Variants in GABRB1 observed in about 807,000 individuals in gnomAD.
GABRB1 encodes the protein gamma-aminobutyric acid receptor subunit beta-1.
In GABRB1, 17 loss-of-function variants were observed where a neutral mutation model predicts 51.6. The observed-to-expected ratio is 0.33, with a 90% CI of 0.23 to 0.49. GABRB1 has a LOEUF of 0.49. Ranked by LOEUF, GABRB1 falls within the 20% of genes least tolerant of loss-of-function variation. GABRB1 has a pLI of 0.99. For synonymous variants in GABRB1, 247 were observed against 218.9 expected, an observed-to-expected ratio of 1.13 and a Z score of -1.14; for missense variants, 410 against 600.6, an observed-to-expected ratio of 0.68 and a Z score of 3.32.
chr4:47,224,581 G>A (rs1040066952), intron 4 of GABRB1, among the ~76,000 whole-genome samples: 4 of 152,100 alleles, frequency 2.6e-5, no homozygotes, highest in African/African-American at 9.7e-5. Flanking sequence ...CAAAGGTAAG[G>A]ATGAAGAATT....
intron 1 of GABRB1, among the ~76,000 whole-genome samples, chr4:47,017,150 T>C (rs2109446871): frequency 6.6e-6 from 1 of 152,344 alleles, no homozygotes; most frequent in African/African-American, 2.4e-5. Context: ...TGCAATTTAC[T>C]ACATGTGCGG....
rs1724127549 is a variant in GABRB1 at position 46,999,945 on chromosome 4, TCTC to T, written c.-20+6022_-20+6024del. Among the ~76,000 whole-genome samples, 11 of 152,158 alleles carry T rather than the reference TCTC, an allele frequency of 7.2e-5. No homozygotes were observed. In the South Asian group the frequency reaches 2.3e-3, roughly 32 times the overall value. On this transcript the variant is annotated intron_variant, in intron 1 of 3. Transcript: ENST00000513567. ...CAGACCTCCTCTTTCCTTCCACCAA[TCTC>T]CTGCTAATTCCAGAATCCACCCCCT...
chr4:47,337,135 A>C (rs1725728188), intron 5 of GABRB1, among the ~76,000 whole-genome samples: 1 of 152,106 alleles, frequency 6.6e-6, no homozygotes, highest in Non-Finnish European at 1.5e-5. Flanking sequence ...AATAGTCTGG[A>C]AGGGACAATA....
chr4:47,043,694 G>A (rs1725957226), intron 3 of GABRB1, among the ~76,000 whole-genome samples: 1 of 152,144 alleles, frequency 6.6e-6, no homozygotes, highest in East Asian at 1.9e-4. Context: ...ACTGAGTGGA[G>A]CTTAGTTGGT....
chr4:47,146,395 T>A (rs1006289118), intron 3 of GABRB1, among the ~76,000 whole-genome samples: 4 of 151,912 alleles, frequency 2.6e-5, no homozygotes, highest in Non-Finnish European at 4.4e-5. Flanking sequence ...AGGCTTAAGT[T>A]CCCTTTGTTG....
intron 3 of GABRB1, among the ~76,000 whole-genome samples, chr4:47,079,998 T>TAA (rs567227300): frequency 6.6e-6 from 1 of 150,412 alleles, no homozygotes; most frequent in Non-Finnish European, 1.5e-5. Flanking sequence ...TAAAGAATAA[T>TAA]AAAAAAAAAG....
chr4:47,140,310 G>C (rs557031949), intron 3 of GABRB1, among the ~76,000 whole-genome samples: 55 of 152,038 alleles, frequency 3.6e-4, no homozygotes, highest in Admixed American at 1.5e-3. Context: ...AAATATAACA[G>C]AGAAAGCCTA....
At chr4:47,003,982 T>G (rs1050197132) in intron 1 of GABRB1, among the ~76,000 whole-genome samples, 1 of 151,124 alleles carries the variant, frequency 6.6e-6, no homozygotes, top group Non-Finnish European at 1.5e-5. Flanking sequence ...CGTTCTTTTG[T>G]TTTTTTTGTT....
At chr4:47,390,612 T>C (rs2110038336) in intron 5 of GABRB1, among the ~76,000 whole-genome samples, 1 of 152,280 alleles carries the variant, frequency 6.6e-6, no homozygotes, top group Middle Eastern at 3.4e-3. Context: ...TGAAAGGAAA[T>C]TTCAAGAGTT....
chr4:47,406,379 G>C (rs922844501), intron 7 of GABRB1, among the ~76,000 whole-genome samples: 2 of 152,204 alleles, frequency 1.3e-5, no homozygotes, highest in Non-Finnish European at 2.9e-5. Context: ...TCAATAGCAG[G>C]ATTTCAATGG....
intron 3 of GABRB1, among the ~76,000 whole-genome samples, chr4:47,054,272 G>A (rs1198453893): frequency 6.6e-6 from 1 of 152,142 alleles, no homozygotes; most frequent in African/African-American, 2.4e-5. Context: ...CCAGGAGAAT[G>A]TGTGAAAGTG....
intron 4 of GABRB1, among the ~76,000 whole-genome samples, chr4:47,223,242 T>A (rs1237787516): frequency 6.6e-6 from 1 of 152,142 alleles, no homozygotes; most frequent in African/African-American, 2.4e-5. Context: ...GTCATTAGAA[T>A]CGAAAGTATA....
At chr4:47,425,484 A>AGATAGATAGAT (rs1410156024) in intron 8 of GABRB1, among the ~76,000 whole-genome samples, 190 bp from the exon 9 acceptor site, 2 of 133,426 alleles carry the variant, frequency 1.5e-5, no homozygotes, top group African/African-American at 2.8e-5. Flanking sequence ...TGATGATGAT[A>AGATAGATAGAT]GATAGATAGA....
intron 3 of GABRB1, among the ~76,000 whole-genome samples, chr4:47,142,126 C>T (rs998308014): frequency 6.6e-6 from 1 of 151,540 alleles, no homozygotes; most frequent in East Asian, 1.9e-4. Context: ...AAAGGTAAGC[C>T]GAGGGTGCTC....
chr4:47,105,033 T>A (rs775775312), intron 3 of GABRB1, among the ~76,000 whole-genome samples: 1 of 152,114 alleles, frequency 6.6e-6, no homozygotes, highest in Non-Finnish European at 1.5e-5. Flanking sequence ...TCTTAGGTAG[T>A]ATAGTAGAGA....
intron 4 of GABRB1, 70 bp from the exon 5 acceptor site, chr4:47,320,057 G>T (rs1725020747): frequency 1.9e-6 from 2 of 1,062,146 alleles, no homozygotes; most frequent in Admixed American, 1.7e-5. Context: ...ATGATTTGGG[G>T]CTAGGAAGCC....
At chr4:47,293,849 A>C (rs1394162363) in intron 4 of GABRB1, among the ~76,000 whole-genome samples, 1 of 152,226 alleles carries the variant, frequency 6.6e-6, no homozygotes, top group Non-Finnish European at 1.5e-5. Flanking sequence ...CACAAAGAAA[A>C]CTAGGGAGTG....
At chr4:47,416,938 T>G (rs2110064176) in intron 8 of GABRB1, among the ~76,000 whole-genome samples, 1 of 152,290 alleles carries the variant, frequency 6.6e-6, no homozygotes, top group South Asian at 2.1e-4. Context: ...ACCTGCTATG[T>G]GCTCATAAAA....
At chr4:47,355,314 C>CT (rs981493330) in intron 5 of GABRB1, among the ~76,000 whole-genome samples, 20 of 148,988 alleles carry the variant, frequency 1.3e-4, no homozygotes, top group East Asian at 9.8e-4. Context: ...AGGAAAACTT[C>CT]TTTTTTTTTT....
Sources: gnomAD v4.1 joint callset for allele counts (sites outside exome capture counted in the v4.1 genomes callset) on GRCh38, gnomAD v4.1.1 for gene constraint, MANE v1.5 for transcripts, NCBI Gene and HGNC (gene_info 2026-07-23, HGNC 2026-07-21) for gene names.